GCKR: variants seen among roughly 807,000 people sequenced by gnomAD.
GCKR encodes the protein glucokinase regulator, also known as glucokinase regulatory protein.
A neutral mutation model predicts 82.9 loss-of-function variants in GCKR; 73 were observed. The observed-to-expected ratio is 0.88, with a 90% CI of 0.73 to 1.07. GCKR has a LOEUF of 1.07. Ranked by LOEUF, GCKR falls within the 50% of genes least tolerant of loss-of-function variation. The pLI is 0.00. For missense variants in GCKR, 784 were observed against 782.1 expected (o/e 1.00, Z -0.03); for synonymous variants, 294 against 291.8 (o/e 1.01, Z -0.08).
At chr2:27,505,569 C>T (rs1055247988) in intron 9 of GCKR, 149 bp from the exon 10 acceptor site, 1 of 684,002 alleles carries the variant, frequency 1.5e-6, no homozygotes, top group African/African-American at 1.8e-5. Flanking sequence ...TTCTAATCTT[C>T]CTCTCGGTCA....
At position 27,508,055 on chromosome 2, in the gene GCKR, C is replaced by T. The variant is rs780174223; in HGVS notation, c.1319C>T (p.Thr440Ile). 28 of 1,613,434 alleles carry T rather than the reference C, an allele frequency of 1.7e-5. 1 individual carries two copies. Among genetic ancestry groups the T allele is most frequent in the Non-Finnish European group, 8.5e-7 (1 of 1,179,516 alleles). The change falls in exon 15 of 19, where the codon ACC (threonine) becomes ATC (isoleucine). Residue 440 changes from threonine to isoleucine, a missense_variant. Coordinates refer to ENST00000264717, the MANE Select transcript of GCKR (RefSeq NM_001486.4). ...TNHIQALAHS[T>I]VGQTLLIPLK... ...CACATCCAGGCCCTGGCACACAGCA[C>T]CGTGGGTCAGACCTTGCTGGTGAGA...
Position 27,523,403 on chromosome 2 carries a change from G to C in GCKR, c.1842G>C (p.Ala614=), listed in dbSNP as rs537437060. The change falls in exon 19 of 19, where the codon GCG becomes GCC. Residue 614 remains alanine, a synonymous_variant. Coordinates refer to ENST00000264717, the MANE Select transcript of GCKR (RefSeq NM_001486.4). The part of the protein sequence containing the change: ...ALAGPGQKRT[A]DPLEILEPDV... ...CTGGGCCAGGTCAGAAGCGCACTGC[G>C]GACCCCCTCGAGATCCTAGAGCCTG... The C allele has an allele frequency of 6.2e-7, 1 of 1,610,322 alleles. No individual in the cohort carries two copies. Among genetic ancestry groups the C allele is most frequent in the Non-Finnish European group, 8.5e-7 (1 of 1,179,974 alleles).
At chr2:27,521,081 A>T (rs79807658) in intron 17 of GCKR, among the ~76,000 whole-genome samples, 4,010 of 152,058 alleles carry the variant, frequency 0.026, 170 homozygotes, top group African/African-American at 0.092. Flanking sequence ...CCACAAAAAA[A>T]CAAATTGAGG....
At chr2:27,497,840 A>G (rs1018796694) in intron 3 of GCKR, among the ~76,000 whole-genome samples, 2 of 152,148 alleles carry the variant, frequency 1.3e-5, no homozygotes, top group Admixed American at 1.3e-4. Context: ...TTTCACACCT[A>G]TTACCCTCAC....
chr2:27,510,595 T>C (rs1669857924), intron 16 of GCKR, among the ~76,000 whole-genome samples: 1 of 152,202 alleles, frequency 6.6e-6, no homozygotes, highest in African/African-American at 2.4e-5. Context: ...GTGAAGTTGC[T>C]TGTTCCCTTA....
Position 27,522,519 on chromosome 2 carries a change from T to G in GCKR, c.1632T>G (p.Phe544Leu). 1 of 1,613,726 alleles carries G rather than the reference T, an allele frequency of 6.2e-7. No individual in the cohort carries two copies. The highest frequency in any genetic ancestry group is 8.5e-7 in the Non-Finnish European group (1 of 1,179,828). The change falls in exon 18 of 19, where the codon TTT (phenylalanine) becomes TTG (leucine). Residue 544 changes from phenylalanine (F) to leucine (L), a missense_variant. Coordinates refer to ENST00000264717, the MANE Select transcript of GCKR (RefSeq NM_001486.4). ...CIESLLRAIH[F>L]PQPLSDDIRA... ...AGAGCCTCCTCCGAGCGATCCACTT[T>G]CCCCAGCCACTGTCAGATGATATTC...
intron 16 of GCKR, among the ~76,000 whole-genome samples, chr2:27,516,450 CA>C (rs1192275089): frequency 4.6e-5 from 7 of 151,886 alleles, no homozygotes; most frequent in African/African-American, 1.7e-4. Context: ...GCCACTACAC[CA>C]GGCAAATTTT....
At chr2:27,511,511 A>G (rs1395928852) in intron 16 of GCKR, among the ~76,000 whole-genome samples, 1 of 151,132 alleles carries the variant, frequency 6.6e-6, no homozygotes, top group Non-Finnish European at 1.5e-5. Context: ...ACCCTGGCCA[A>G]CATGGTGAAA....
intron 9 of GCKR, 73 bp from the exon 10 acceptor site, chr2:27,505,645 G>C (rs1372000419): frequency 1.2e-6 from 1 of 811,430 alleles, no homozygotes; most frequent in Non-Finnish European, 2.2e-6. Context: ...ATGCATGCCC[G>C]GGGGTTACTA....
chr2:27,518,367 A>C (rs1482745775), intron 16 of GCKR, among the ~76,000 whole-genome samples: 1 of 152,220 alleles, frequency 6.6e-6, no homozygotes, highest in Admixed American at 6.5e-5. Flanking sequence ...ATTGATCAGC[A>C]AATATGTGTC....
chr2:27,507,895 C>T lies in GCKR; in HGVS notation c.1241-82C>T. 4.2e-6 allele frequency: 5 copies of T among 1,177,812 alleles called. No individual in the cohort carries two copies. In the South Asian group the frequency reaches 6.1e-5, roughly 14 times the overall value. 73.0% of individuals were successfully genotyped at this position (1,177,812 alleles called of 1,614,324 possible). A position where few individuals can be genotyped will look rare whatever the true frequency, so the allele number is the denominator to read the frequency against. Reference sequence around the variant, plus strand: ...TCAGAGGGAGGGACGGGGTGAATATCCTGACTGGACCCCAGCCAGGGGAGC... The same window carrying T: ...TCAGAGGGAGGGACGGGGTGAATATTCTGACTGGACCCCAGCCAGGGGAGC... On this transcript the variant is annotated intron_variant, in intron 14 of 18. Coordinates refer to ENST00000264717, the MANE Select transcript of GCKR (RefSeq NM_001486.4).
chr2:27,497,431 A>G, intron 2 of GCKR, 32 bp downstream of exon 2: 1 of 1,613,608 alleles, frequency 6.2e-7, no homozygotes, highest in Admixed American at 1.7e-5. Flanking sequence ...GACCCTGGAA[A>G]TAAACATGCC....
At chr2:27,506,342 C>T in intron 10 of GCKR, 139 bp from the exon 11 acceptor site, 1 of 729,068 alleles carries the variant, frequency 1.4e-6, no homozygotes, top group South Asian at 1.5e-5. Context: ...GCAGTCTGGG[C>T]CTACTCTCTG....
intron 6 of GCKR, 55 bp downstream of exon 6, chr2:27,499,263 G>C: frequency 5.0e-6 from 7 of 1,407,376 alleles, no homozygotes; most frequent in Non-Finnish European, 7.1e-6. Flanking sequence ...CTTCTCATGG[G>C]GACATAAAAG....
intron 17 of GCKR, 80 bp from the exon 18 acceptor site, chr2:27,522,380 T>TA: frequency 1.4e-6 from 2 of 1,426,256 alleles, no homozygotes; most frequent in East Asian, 4.5e-5. Flanking sequence ...CTCACTCTCA[T>TA]AGTTTATTCT....
At chr2:27,506,233 CA>C (rs1349614005) in intron 10 of GCKR, among the ~76,000 whole-genome samples, 1 of 152,188 alleles carries the variant, frequency 6.6e-6, no homozygotes, top group Non-Finnish European at 1.5e-5. Context: ...CAGTGGCTCT[CA>C]GATCCTGCTC....
intron 18 of GCKR, among the ~76,000 whole-genome samples, chr2:27,522,918 G>T (rs1269216431): frequency 6.9e-6 from 1 of 144,036 alleles, no homozygotes; most frequent in African/African-American, 2.6e-5. Flanking sequence ...TTTTTTGAGA[G>T]AGAGTCTTGC....
chr2:27,512,627 A>G (rs1246772431), intron 16 of GCKR, among the ~76,000 whole-genome samples: 1 of 152,182 alleles, frequency 6.6e-6, no homozygotes, highest in East Asian at 1.9e-4. Context: ...GCATTCACCT[A>G]CATAATTACA....
intron 17 of GCKR, among the ~76,000 whole-genome samples, chr2:27,519,888 C>G (rs1169613926): frequency 2.0e-5 from 3 of 152,022 alleles, no homozygotes; most frequent in African/African-American, 7.2e-5. Context: ...ACCTCATTAC[C>G]TGAGCATGGG....
Sources: allele counts gnomAD v4.1 joint callset (sites outside exome capture counted in the v4.1 genomes callset), GRCh38; gene constraint gnomAD v4.1.1; transcripts MANE v1.5; gene names NCBI Gene and HGNC (gene_info 2026-07-23, HGNC 2026-07-21).